Variants in DGKB observed in about 807,000 individuals in gnomAD.
DGKB encodes the protein 90 kDa diacylglycerol kinase.
Under a neutral mutation model 114.3 loss-of-function variants are expected in DGKB, and 67 were observed. The ratio of observed to expected loss-of-function variants is 0.59; its 90% CI spans 0.48 to 0.72. The LOEUF (loss-of-function observed/expected upper bound fraction) is 0.72. Ranked by LOEUF, DGKB falls within the 30% of genes least tolerant of loss-of-function variation. The probability of loss-of-function intolerance (pLI) is 0.00; values close to 1 mark genes in which losing one functional copy is unlikely to be tolerated. For synonymous variants in DGKB, 398 were observed against 323.1 expected (o/e 1.23, Z -2.49); for missense variants, 907 against 975.2 (o/e 0.93, Z 0.93).
At chr7:14,428,354 G>A (rs1827898702) in intron 21 of DGKB, among the ~76,000 whole-genome samples, 2 of 151,780 alleles carry the variant, frequency 1.3e-5, no homozygotes, top group African/African-American at 4.8e-5. Context: ...ATCTTCCTTA[G>A]TCTCTCCTGG....
chr7:14,358,244 T>C (rs1814976273), intron 21 of DGKB, among the ~76,000 whole-genome samples: 1 of 152,224 alleles, frequency 6.6e-6, no homozygotes. Flanking sequence ...AAATGTAGAT[T>C]TGGTCTTTTC....
intron 13 of DGKB, among the ~76,000 whole-genome samples, chr7:14,642,511 G>A (rs1423556762): frequency 6.6e-6 from 1 of 152,116 alleles, no homozygotes; most frequent in Admixed American, 6.6e-5. Context: ...TTGCAATATT[G>A]TTTAGGTACT....
intron 2 of DGKB, among the ~76,000 whole-genome samples, chr7:14,771,410 C>T (rs913083999): frequency 6.6e-6 from 1 of 152,048 alleles, no homozygotes; most frequent in African/African-American, 2.4e-5. Context: ...GCCTGACCCT[C>T]ACTTTAGTCT....
intron 23 of DGKB, among the ~76,000 whole-genome samples, chr7:14,322,448 A>T (rs1328775172): frequency 6.6e-6 from 1 of 152,204 alleles, no homozygotes; most frequent in African/African-American, 2.4e-5. Flanking sequence ...TGAAAAAAGA[A>T]ATTATTCTTG....
At chr7:14,219,433 A>G (rs1789557197) in intron 23 of DGKB, among the ~76,000 whole-genome samples, 2 of 151,798 alleles carry the variant, frequency 1.3e-5, no homozygotes, top group Admixed American at 1.3e-4. Context: ...GGCAACACTT[A>G]GTGTTATCTG....
intron 7 of DGKB, among the ~76,000 whole-genome samples, chr7:14,699,955 GC>G (rs1012252806): frequency 8.6e-5 from 13 of 150,862 alleles, no homozygotes; most frequent in African/African-American, 3.2e-4. Context: ...CCAACCCATG[GC>G]TAAAGCCTAG....
At chr7:14,934,459 A>C (rs1211688864) in intron 1 of DGKB, among the ~76,000 whole-genome samples, 1 of 152,174 alleles carries the variant, frequency 6.6e-6, no homozygotes, top group African/African-American at 2.4e-5. Flanking sequence ...CTATAATCTC[A>C]TTGAATTAAA....
intron 20 of DGKB, among the ~76,000 whole-genome samples, chr7:14,533,723 A>G (rs2128599771): frequency 6.6e-6 from 1 of 152,112 alleles, no homozygotes; most frequent in Non-Finnish European, 1.5e-5. Context: ...CTATCAGCAG[A>G]TTTCTCAGCA....
intron 4 of DGKB, among the ~76,000 whole-genome samples, chr7:14,743,427 G>T (rs1015804544): frequency 1.3e-5 from 2 of 152,090 alleles, no homozygotes; most frequent in Admixed American, 1.3e-4. Context: ...AACTGGGATT[G>T]TATTTCAAAT....
At chr7:14,414,008 C>G (rs543929081) in intron 21 of DGKB, among the ~76,000 whole-genome samples, 1 of 151,968 alleles carries the variant, frequency 6.6e-6, no homozygotes, top group African/African-American at 2.4e-5. Flanking sequence ...AATATTTATG[C>G]GGTTTTAACA....
At chr7:14,359,534 A>G (rs1362395422) in intron 21 of DGKB, among the ~76,000 whole-genome samples, 4 of 152,226 alleles carry the variant, frequency 2.6e-5, no homozygotes, top group Non-Finnish European at 1.5e-5. Context: ...CAGGCAACCT[A>G]CAGAATGGGA....
intron 13 of DGKB, among the ~76,000 whole-genome samples, chr7:14,633,896 A>T (rs1356685434): frequency 1.3e-5 from 2 of 151,514 alleles, no homozygotes; most frequent in East Asian, 1.9e-4. Context: ...AGAATTTTTT[A>T]AAATTCTATT....
At position 14,673,922 on chromosome 7, in the gene DGKB, AAAG is replaced by A. The variant is rs994498530; in HGVS notation, c.1036-898_1036-896del. Among the ~76,000 whole-genome samples, 7 of 152,212 alleles carry A rather than the reference AAAG, an allele frequency of 4.6e-5. No individual in the cohort carries two copies. The Middle Eastern group carries it at 0.01, about 222-fold the overall frequency. On this transcript the variant is annotated intron_variant, in intron 12 of 25. Coordinates refer to ENST00000402815, the MANE Select transcript of DGKB (RefSeq NM_001350709.2). Reference sequence around the variant, plus strand: ...GATAACATGTTATGTTCAAAACAAAAAAGAGCCACATTATTTTTCCATTTTGAA... The same window carrying A: ...GATAACATGTTATGTTCAAAACAAAAAGCCACATTATTTTTCCATTTTGAA...
chr7:14,645,668 G>A (rs1158418170), intron 13 of DGKB, among the ~76,000 whole-genome samples: 3 of 151,334 alleles, frequency 2.0e-5, no homozygotes, highest in African/African-American at 7.3e-5. Flanking sequence ...ATGGTCAGAA[G>A]AGCATGAGAT....
chr7:14,619,310 C>G (rs967589809), intron 15 of DGKB, among the ~76,000 whole-genome samples: 1 of 151,456 alleles, frequency 6.6e-6, no homozygotes, highest in Non-Finnish European at 1.5e-5. Context: ...AACACTTCCA[C>G]AAAGAATGTT....
chr7:14,920,480 C>T (rs922689846), intron 1 of DGKB, among the ~76,000 whole-genome samples: 1 of 152,010 alleles, frequency 6.6e-6, no homozygotes, highest in Non-Finnish European at 1.5e-5. Context: ...GTCTATAATC[C>T]AAAAATTCTC....
chr7:14,815,053 T>G (rs1234251458), intron 2 of DGKB: 1 of 152,238 alleles, frequency 6.6e-6, no homozygotes, highest in Non-Finnish European at 1.5e-5. Flanking sequence ...TTACGAATTG[T>G]GAATGAATAC....
rs774269122 is a variant in DGKB, at chr7:14,146,449, T to C, written c.*2682A>G. 2 of 152,198 alleles carry C rather than the reference T, an allele frequency of 1.3e-5. No homozygotes were observed. The highest frequency in any genetic ancestry group is 2.4e-5 in the African/African-American group (1 of 41,456). The allele number at this position is 152,198 out of a possible 1,614,324, so 9.4% of individuals were successfully genotyped here. ...GTCTCCTATATTAAAAGAGGGCGACTCAATAGCTGAAAATTTATCTGCACA... is the reference window on the plus strand; with the variant it reads ...GTCTCCTATATTAAAAGAGGGCGACCCAATAGCTGAAAATTTATCTGCACA... On this transcript the variant is annotated 3_prime_UTR_variant, in exon 26 of 26. Transcript: ENST00000402815.
intron 19 of DGKB, 51 bp downstream of exon 19, chr7:14,580,811 G>A (rs1799813373): frequency 7.9e-7 from 1 of 1,272,854 alleles, no homozygotes. Context: ...GTTTTGCAAG[G>A]GAAAGGGGTG....
Sources: gnomAD v4.1 joint callset for allele counts (sites outside exome capture counted in the v4.1 genomes callset) on GRCh38, gnomAD v4.1.1 for gene constraint, MANE v1.5 for transcripts, NCBI Gene and HGNC (gene_info 2026-07-23, HGNC 2026-07-21) for gene names.